Variants in SLC7A2 observed in about 807,000 individuals in gnomAD.
The protein encoded by SLC7A2 is cationic amino acid transporter 2.
SLC7A2 carries 48 observed loss-of-function variants against 58.9 expected under a neutral mutation model. That is an observed-to-expected ratio of 0.82 (90% CI 0.65 to 1.04). SLC7A2 has a LOEUF of 1.04. Ranked by LOEUF, SLC7A2 falls within the 50% of genes least tolerant of loss-of-function variation. SLC7A2 has a pLI of 0.00. For synonymous variants in SLC7A2, 363 were observed against 314.5 expected, an observed-to-expected ratio of 1.15 and a Z score of -1.63; for missense variants, 1,029 against 818.8, an observed-to-expected ratio of 1.26 and a Z score of -3.13.
chr8:17,543,797 G>C, intron 3 of SLC7A2, 82 bp downstream of exon 3: 2 of 1,281,254 alleles, frequency 1.6e-6, no homozygotes, highest in East Asian at 2.4e-5. Flanking sequence ...TCAGTTGTAG[G>C]TGTTGGGTAC....
chr8:17,500,207 G>T (rs1263189688), intron 1 of SLC7A2: 1 of 152,126 alleles, frequency 6.6e-6, no homozygotes, highest in Non-Finnish European at 1.5e-5. Flanking sequence ...GACGATTTCA[G>T]ACCTGTCTGT....
Position 17,557,725 on chromosome 8 carries a change from G to A in SLC7A2, c.1196-570G>A, listed in dbSNP as rs889480383. ...CGCCTGTAGTCCCAGCTACTCGGCA[G>A]GCTGAGATATGACAATCGCTTGGAC... On this transcript the variant is annotated intron_variant, in intron 8 of 12. Transcript: ENST00000494857. Among the ~76,000 whole-genome samples the A allele has an allele frequency of 5.9e-5, 9 of 152,268 alleles. No homozygotes were observed. In the South Asian group the frequency reaches 6.2e-4, roughly 11 times the overall value.
intron 2 of SLC7A2, among the ~76,000 whole-genome samples, chr8:17,507,004 G>A (rs1800393639): frequency 6.6e-6 from 1 of 151,008 alleles, no homozygotes; most frequent in Non-Finnish European, 1.5e-5. Context: ...GAGTGCAATG[G>A]TGCAATCTTG....
At chr8:17,502,762 A>G (rs1183314518) in intron 2 of SLC7A2, among the ~76,000 whole-genome samples, 3 of 152,172 alleles carry the variant, frequency 2.0e-5, no homozygotes, top group Non-Finnish European at 4.4e-5. Context: ...GAATCACTTC[A>G]CAAGGTTTTT....
chr8:17,499,464 G>C (rs1236926791), intron 1 of SLC7A2, among the ~76,000 whole-genome samples: 2 of 149,858 alleles, frequency 1.3e-5, no homozygotes, highest in Admixed American at 6.7e-5. Context: ...GTTTTACTTT[G>C]GTGCCCTTTG....
intron 2 of SLC7A2, among the ~76,000 whole-genome samples, chr8:17,514,288 A>G (rs575332114): frequency 6.6e-6 from 1 of 152,204 alleles, no homozygotes; most frequent in African/African-American, 2.4e-5. Context: ...GTGTGTCCCA[A>G]AACACGCATT....
Position 17,570,376 on chromosome 8 carries a change from G to C in SLC7A2, c.*5230G>C, listed in dbSNP as rs1351009457. ...AAAAACCAACAAAGGCATTGGACTT[G>C]TGTGAATGTACAGGGTTTTTTTAGT... On this transcript the variant is annotated 3_prime_UTR_variant, in exon 13 of 13. Transcript: ENST00000494857. The C allele has an allele frequency of 1.3e-5, 2 of 152,600 alleles. No individual in the cohort carries two copies. The highest frequency in any genetic ancestry group is 1.3e-4 in the Admixed American group (2 of 15,276). The allele number at this position is 152,600 out of a possible 1,614,324, so 9.5% of individuals were successfully genotyped here. A position where few individuals can be genotyped will look rare whatever the true frequency, so the allele number is the denominator to read the frequency against.
At position 17,563,615 on chromosome 8, in the gene SLC7A2, C is replaced by A. The variant is rs1803125307; in HGVS notation, c.1684C>A (p.Pro562Thr). The change falls in exon 12 of 13, where the codon CCA (proline) becomes ACA (threonine). Residue 562 changes from proline to threonine, a missense_variant. Pro to Thr is a conservative substitution (Grantham distance 38, BLOSUM62 -1). Coordinates refer to ENST00000494857, the MANE Select transcript of SLC7A2 (RefSeq NM_001370338.1). Reference protein sequence around the residue: ...QKVAFMVPFLPFLPAFSILVN... With the variant: ...QKVAFMVPFLTFLPAFSILVN... ...TTTTCCCCCTCAGGTTCCATTCTTA[C>A]CATTTTTGCCAGCGTTCAGCATCTT... The A allele has an allele frequency of 1.9e-6, 3 of 1,608,008 alleles. No individual in the cohort carries two copies. Among genetic ancestry groups the A allele is most frequent in the Non-Finnish European group, 2.6e-6 (3 of 1,175,112 alleles).
chr8:17,526,219 C>T (rs1801217618), intron 2 of SLC7A2, among the ~76,000 whole-genome samples: 1 of 152,134 alleles, frequency 6.6e-6, no homozygotes, highest in Admixed American at 6.5e-5. Flanking sequence ...CATGGGAATT[C>T]ATTTGAGGGA....
At chr8:17,511,960 C>T (rs1172803851) in intron 2 of SLC7A2, among the ~76,000 whole-genome samples, 4 of 152,254 alleles carry the variant, frequency 2.6e-5, no homozygotes, top group African/African-American at 9.6e-5. Flanking sequence ...AGAAAATAAT[C>T]TCATTTGGAA....
At chr8:17,536,026 T>C (rs1801648564) in intron 2 of SLC7A2, among the ~76,000 whole-genome samples, 1 of 151,872 alleles carries the variant, frequency 6.6e-6, no homozygotes, top group African/African-American at 2.4e-5. Flanking sequence ...GGTAAAATAT[T>C]CCCGGTGCTT....
chr8:17,555,373 T>C (rs1055663324), intron 8 of SLC7A2, among the ~76,000 whole-genome samples: 1 of 152,148 alleles, frequency 6.6e-6, no homozygotes, highest in East Asian at 1.9e-4. Context: ...TCACTAAATA[T>C]TATGAATTGC....
rs1384830771 is a variant in SLC7A2 at position 17,570,320 on chromosome 8, G to T, written c.*5174G>T. 1 of 152,472 alleles carries T rather than the reference G, an allele frequency of 6.6e-6. No homozygotes were observed. The highest frequency in any genetic ancestry group is 2.4e-5 in the African/African-American group (1 of 41,402). The allele number at this position is 152,472 out of a possible 1,614,324, so 9.4% of individuals were successfully genotyped here. On this transcript the variant is annotated 3_prime_UTR_variant, in exon 13 of 13. Coordinates refer to ENST00000494857, the MANE Select transcript of SLC7A2 (RefSeq NM_001370338.1). ...GTACTTAATAAAAATTGTTGATAGG[G>T]CCCAAAACCCTACAGAAATTCTATG...
At chr8:17,556,810 T>C (rs1172695543) in intron 8 of SLC7A2, among the ~76,000 whole-genome samples, 6 of 152,116 alleles carry the variant, frequency 3.9e-5, no homozygotes, top group Admixed American at 3.3e-4. Context: ...GGTTTCACCA[T>C]GTTGGCCAAG....
At chr8:17,541,130 G>A (rs1407441938) in intron 2 of SLC7A2, among the ~76,000 whole-genome samples, 1 of 152,144 alleles carries the variant, frequency 6.6e-6, no homozygotes, top group Non-Finnish European at 1.5e-5. Flanking sequence ...CCTACTCCTT[G>A]ATCTTTGTAC....
chr8:17,567,497 T>C lies in SLC7A2; in HGVS notation c.*2351T>C, dbSNP rs1057031600. 3.9e-5 allele frequency: 6 copies of C among 152,654 alleles called. No homozygotes were observed. 9.5% of individuals were successfully genotyped at this position (152,654 alleles called of 1,614,324 possible). ...GCTTTGTCAGCCACTGTGCCTTTTTTTCTGTGAAGACTCAACGGATGTGTG... is the reference window on the plus strand; with the variant it reads ...GCTTTGTCAGCCACTGTGCCTTTTTCTCTGTGAAGACTCAACGGATGTGTG... On this transcript the variant is annotated 3_prime_UTR_variant, in exon 13 of 13. Transcript: ENST00000494857.
intron 2 of SLC7A2, among the ~76,000 whole-genome samples, chr8:17,524,590 C>T (rs1021330855): frequency 6.6e-6 from 1 of 151,984 alleles, no homozygotes; most frequent in Non-Finnish European, 1.5e-5. Context: ...TTCTCAGTCA[C>T]ATGTGGGAGC....
intron 2 of SLC7A2, among the ~76,000 whole-genome samples, chr8:17,526,180 A>T (rs2720493): frequency 7.2e-5 from 11 of 151,930 alleles, no homozygotes; most frequent in Admixed American, 1.3e-4. Context: ...ACAAGAGGGG[A>T]GGATACCAGA....
chr8:17,499,058 C>A (rs76840025), intron 1 of SLC7A2: 11 of 152,158 alleles, frequency 7.2e-5, no homozygotes, highest in African/African-American at 2.7e-4. Flanking sequence ...GTGCCTTGTC[C>A]CCATTCTAGG....
Sources: gnomAD v4.1 joint callset for allele counts (sites outside exome capture counted in the v4.1 genomes callset) on GRCh38, gnomAD v4.1.1 for gene constraint, MANE v1.5 for transcripts, NCBI Gene and HGNC (gene_info 2026-07-23, HGNC 2026-07-21) for gene names.